EGFLAM: variants seen among roughly 807,000 people sequenced by gnomAD.
EGFLAM encodes EGF like, fibronectin type III and laminin G domains.
In EGFLAM, 79 loss-of-function variants were observed where a neutral mutation model predicts 113.1. That is an observed-to-expected ratio of 0.70 (90% CI 0.58 to 0.84). The LOEUF is 0.84. EGFLAM is among the 40% of genes least tolerant of loss of function. The probability of loss-of-function intolerance (pLI) is 0.00; values close to 1 mark genes in which losing one functional copy is unlikely to be tolerated. For missense variants in EGFLAM, 1,265 were observed against 1,291.6 expected (o/e 0.98, Z 0.32); for synonymous variants, 504 against 487.6 (o/e 1.03, Z -0.44).
chr5:38,441,989 A>G (rs1227711220), intron 17 of EGFLAM, among the ~76,000 whole-genome samples: 6 of 152,202 alleles, frequency 3.9e-5, no homozygotes, highest in African/African-American at 1.4e-4. Context: ...GCCTGTACTC[A>G]TCAGGGGCGC....
chr5:38,456,461 T>C (rs1323841437), intron 19 of EGFLAM, among the ~76,000 whole-genome samples: 1 of 152,118 alleles, frequency 6.6e-6, no homozygotes, highest in Non-Finnish European at 1.5e-5. Context: ...AGCCACCAAA[T>C]CATGAAATCT....
intron 1 of EGFLAM, among the ~76,000 whole-genome samples, chr5:38,320,981 AG>A (rs1738723871): frequency 6.6e-6 from 1 of 152,150 alleles, no homozygotes; most frequent in East Asian, 1.9e-4. Context: ...GTTTCCTGGA[AG>A]ACAGTTTTTT....
At chr5:38,462,708 C>A in intron 20 of EGFLAM, 200 bp from the exon 21 acceptor site, 1 of 546,196 alleles carries the variant, frequency 1.8e-6, no homozygotes, top group Admixed American at 3.1e-5. Flanking sequence ...CACAGTTTGA[C>A]TTTTTGTCTT....
intron 18 of EGFLAM, among the ~76,000 whole-genome samples, chr5:38,448,873 CA>C (rs1170185834): frequency 6.6e-6 from 1 of 152,216 alleles, no homozygotes; most frequent in African/African-American, 2.4e-5. Context: ...TCTTCATCAG[CA>C]AAGGTCTCTT....
rs574569967 is a variant in EGFLAM, at chr5:38,448,271, A to G, written c.2465-30A>G. 3.7e-5 allele frequency: 59 copies of G among 1,613,410 alleles called. 1 individual carries two copies. In the South Asian group the frequency reaches 6.3e-4, roughly 17 times the overall value. On this transcript the variant is annotated intron_variant, in intron 17 of 21. Coordinates refer to ENST00000322350, the MANE Select transcript of EGFLAM (RefSeq NM_152403.4). ...GCAGGGGTCAAGAGAACCACATACT[A>G]TGTAACCTCCTTTTTCTGTTCTGTC...
chr5:38,279,720 A>T (rs776115412), intron 1 of EGFLAM, among the ~76,000 whole-genome samples: 14 of 152,144 alleles, frequency 9.2e-5, no homozygotes, highest in Non-Finnish European at 1.5e-4. Context: ...CTGGGTGGTT[A>T]GTGGGGAAGG....
chr5:38,439,943 A>C (rs1367857557), intron 17 of EGFLAM, among the ~76,000 whole-genome samples: 1 of 152,234 alleles, frequency 6.6e-6, no homozygotes, highest in East Asian at 1.9e-4. Context: ...AACATTTAGC[A>C]CTGGAAATTA....
chr5:38,279,349 G>A (rs1757962530), intron 1 of EGFLAM, among the ~76,000 whole-genome samples: 2 of 152,144 alleles, frequency 1.3e-5, no homozygotes, highest in Non-Finnish European at 2.9e-5. Context: ...ATATGAACCA[G>A]CAATCCCACT....
rs5867407 is a variant in EGFLAM at position 38,362,531 on chromosome 5, CA to C, written c.546-7757del. 2.0e-3 allele frequency among the ~76,000 whole-genome samples: 296 copies of C among 151,674 alleles called. 1 individual carries two copies. The highest frequency in any genetic ancestry group is 6.2e-3 in the African/African-American group (256 of 41,388). ...ACCCTCCCTAATCTCCCTTTCTTTTCAAAAAAAAGTGTTAGAAGTTTTGCTA... is the reference window on the plus strand; with the variant it reads ...ACCCTCCCTAATCTCCCTTTCTTTTCAAAAAAAGTGTTAGAAGTTTTGCTA... On this transcript the variant is annotated intron_variant, in intron 5 of 21. Coordinates refer to ENST00000322350, the MANE Select transcript of EGFLAM (RefSeq NM_152403.4).
Position 38,435,267 on chromosome 5 carries a change from T to G in EGFLAM, c.2283+14T>G. ...AGCATCCAGAAGGTACAGGCATCTC[T>G]TCCTCATGTTTACTGGGCCACCCAG... On this transcript the variant is annotated intron_variant, in intron 16 of 21. Coordinates refer to ENST00000322350, the MANE Select transcript of EGFLAM (RefSeq NM_152403.4). 363 of 1,574,736 alleles carry G rather than the reference T, an allele frequency of 2.3e-4. No homozygotes were observed. The highest frequency in any genetic ancestry group is 2.9e-4 in the Non-Finnish European group (330 of 1,144,282).
At chr5:38,275,341 G>A (rs1757861090) in intron 1 of EGFLAM, among the ~76,000 whole-genome samples, 1 of 152,168 alleles carries the variant, frequency 6.6e-6, no homozygotes, top group African/African-American at 2.4e-5. Context: ...CACCTGTAAA[G>A]ACACATATAG....
intron 17 of EGFLAM, among the ~76,000 whole-genome samples, chr5:38,441,968 C>T (rs972218813): frequency 6.6e-6 from 1 of 152,180 alleles, no homozygotes; most frequent in Non-Finnish European, 1.5e-5. Context: ...TGAGACAAAG[C>T]TAGGCCTAGC....
chr5:38,410,996 G>A (rs991822089), intron 10 of EGFLAM, among the ~76,000 whole-genome samples: 6 of 152,156 alleles, frequency 3.9e-5, no homozygotes, highest in Non-Finnish European at 7.3e-5. Context: ...ACAAGAAGGA[G>A]GTCCTTAGTT....
chr5:38,427,153 A>G lies in EGFLAM; in HGVS notation c.1955A>G (p.Tyr652Cys). 6.2e-7 allele frequency: 1 copy of G among 1,614,144 alleles called. No individual in the cohort carries two copies. The highest frequency in any genetic ancestry group is 1.1e-5 in the South Asian group (1 of 91,082). Residue 652 changes from tyrosine (Y) to cysteine (C), a missense_variant, in exon 14 of 22, where the codon TAC (tyrosine) becomes TGC (cysteine). Transcript: ENST00000322350. Reference protein sequence around the residue: ...RPDSGDGVLLYSYDTGSKDFL... With the variant: ...RPDSGDGVLLCSYDTGSKDFL... Reference sequence around the variant, plus strand: ...GACTCAGGAGATGGTGTCCTCCTGTACAGCTATGACACAGGCAGCAAAGAC... The same window carrying G: ...GACTCAGGAGATGGTGTCCTCCTGTGCAGCTATGACACAGGCAGCAAAGAC...
In EGFLAM at chr5:38,454,101, G is replaced by A. The variant is rs114008787; in HGVS notation, c.2687+2643G>A. 5.2e-3 allele frequency among the ~76,000 whole-genome samples: 790 copies of A among 152,224 alleles called. 10 individuals are homozygous for A. The highest frequency in any genetic ancestry group is 0.017 in the African/African-American group (725 of 41,524). ...CTGTGCCTGCTCTGGTCCTGGAGCC[G>A]CCCCATTGCTGCCACTCTGTTCTTC... is the stretch of plus-strand genomic sequence containing the variant. On this transcript the variant is annotated intron_variant, in intron 19 of 21. Transcript: ENST00000322350.
intron 1 of EGFLAM, among the ~76,000 whole-genome samples, chr5:38,328,723 G>GTTTTTTTTTTTTTTTTTTTTTTATTTTT (rs3077265): frequency 9.7e-6 from 1 of 103,026 alleles, no homozygotes; most frequent in Non-Finnish European, 1.9e-5. Flanking sequence ...AGCTATACTT[G>GTTTTTTTTTTTTTTTTTTTTTTATTTTT]TTTTTTTTTT....
At chr5:38,355,915 G>A (rs1385845013) in intron 5 of EGFLAM, among the ~76,000 whole-genome samples, 1 of 151,856 alleles carries the variant, frequency 6.6e-6, no homozygotes, top group Non-Finnish European at 1.5e-5. Context: ...CACCCACCAC[G>A]ATGCCTGGCT....
chr5:38,415,949 A>T (rs973801373), intron 11 of EGFLAM, among the ~76,000 whole-genome samples: 9 of 152,152 alleles, frequency 5.9e-5, no homozygotes, highest in Non-Finnish European at 1.2e-4. Flanking sequence ...AACCACCCCC[A>T]TGATTCAATT....
chr5:38,293,841 C>T (rs1056227034), intron 1 of EGFLAM, among the ~76,000 whole-genome samples: 36 of 152,160 alleles, frequency 2.4e-4, no homozygotes, highest in Non-Finnish European at 5.0e-4. Flanking sequence ...AAATCTCACT[C>T]AGGATTTGAA....
Sources: allele counts gnomAD v4.1 joint callset (sites outside exome capture counted in the v4.1 genomes callset), GRCh38; gene constraint gnomAD v4.1.1; transcripts MANE v1.5; gene names NCBI Gene and HGNC (gene_info 2026-07-23, HGNC 2026-07-21).